CERS6: variants seen among roughly 807,000 people sequenced by gnomAD.
CERS6 encodes the protein ceramide synthase 6, also known as LAG1 homolog, ceramide synthase 6.
Under a neutral mutation model 56.8 loss-of-function variants are expected in CERS6, and 26 were observed. That is an observed-to-expected ratio of 0.46 (90% confidence interval 0.34 to 0.63). The LOEUF is 0.63. CERS6 is among the 30% of genes least tolerant of loss of function. The probability of loss-of-function intolerance (pLI) is 0.01; values close to 1 mark genes in which losing one functional copy is unlikely to be tolerated. For missense variants in CERS6, 415 were observed against 467.5 expected (o/e 0.89, Z 1.04); for synonymous variants, 164 against 173.3 (o/e 0.95, Z 0.42).
rs142018772 is a variant in CERS6 at position 168,665,598 on chromosome 2, T to A, written c.466-25436T>A. 3.7e-4 allele frequency among the ~76,000 whole-genome samples: 56 copies of A among 152,278 alleles called. No homozygotes were observed. The East Asian group carries it at 9.1e-3, about 25-fold the overall frequency. ...TCTCTTCATTTTCATTTTTCCAACA[T>A]GCTCATCACCTTCTCTCTTACTGTA... is the stretch of plus-strand genomic sequence containing the variant. On this transcript the variant is annotated intron_variant, in intron 4 of 9. Coordinates refer to ENST00000305747, the MANE Select transcript of CERS6 (RefSeq NM_203463.3).
At chr2:168,676,000 T>C (rs537350434) in intron 4 of CERS6, among the ~76,000 whole-genome samples, 29 of 152,158 alleles carry the variant, frequency 1.9e-4, no homozygotes, top group Non-Finnish European at 3.8e-4. Context: ...AACCATTTTC[T>C]AAAACAAAAA....
At chr2:168,565,240 A>G (rs1412529235) in intron 3 of CERS6, among the ~76,000 whole-genome samples, 1 of 152,228 alleles carries the variant, frequency 6.6e-6, no homozygotes, top group Non-Finnish European at 1.5e-5. Flanking sequence ...AAAAAGATCT[A>G]GAATAGTTGT....
At chr2:168,740,180 A>G (rs1683852392) in intron 8 of CERS6, among the ~76,000 whole-genome samples, 1 of 152,228 alleles carries the variant, frequency 6.6e-6, no homozygotes, top group African/African-American at 2.4e-5. Context: ...TTCATTAGAT[A>G]CATGTTATTT....
At chr2:168,652,546 G>GT (rs1035608970) in intron 4 of CERS6, among the ~76,000 whole-genome samples, 1 of 141,406 alleles carries the variant, frequency 7.1e-6, no homozygotes, top group African/African-American at 2.6e-5. Flanking sequence ...TAAATAAGTA[G>GT]TTTTTTTAAA....
chr2:168,468,043 G>A (rs1350772896), intron 1 of CERS6, among the ~76,000 whole-genome samples: 3 of 152,114 alleles, frequency 2.0e-5, no homozygotes, highest in African/African-American at 4.8e-5. Context: ...GTTTAGGGAG[G>A]GAGGATGCTT....
intron 3 of CERS6, among the ~76,000 whole-genome samples, chr2:168,601,237 A>G (rs919949187): frequency 6.6e-6 from 1 of 152,228 alleles, no homozygotes; most frequent in Non-Finnish European, 1.5e-5. Context: ...ATGTTGACAC[A>G]GTCTCCCACA....
intron 1 of CERS6, among the ~76,000 whole-genome samples, chr2:168,505,149 G>T (rs1247348129): frequency 6.6e-6 from 1 of 152,018 alleles, no homozygotes; most frequent in East Asian, 1.9e-4. Context: ...GGCCAAGCGG[G>T]CTATTCCCTT....
chr2:168,657,472 G>C (rs1574135190), intron 4 of CERS6, among the ~76,000 whole-genome samples: 2 of 152,356 alleles, frequency 1.3e-5, no homozygotes, highest in Non-Finnish European at 2.9e-5. Flanking sequence ...GATGGGACTG[G>C]GCGCCGTGGA....
intron 1 of CERS6, 142 bp from the exon 2 acceptor site, chr2:168,547,454 A>G: frequency 1.7e-6 from 1 of 573,920 alleles, no homozygotes; most frequent in Non-Finnish European, 3.1e-6. Context: ...ACAGTTACTG[A>G]CAGGAGTGTT....
intron 6 of CERS6, among the ~76,000 whole-genome samples, chr2:168,702,413 A>G (rs1686828303): frequency 6.6e-6 from 1 of 152,216 alleles, no homozygotes; most frequent in Non-Finnish European, 1.5e-5. Context: ...TTAGCTTGTC[A>G]CGTTGTTTCA....
intron 3 of CERS6, among the ~76,000 whole-genome samples, chr2:168,589,596 T>C (rs1683625954): frequency 6.6e-6 from 1 of 152,238 alleles, no homozygotes; most frequent in Non-Finnish European, 1.5e-5. Flanking sequence ...TTGGTGTCTT[T>C]CCTTCCAAAT....
chr2:168,720,851 C>T (rs367749033), intron 8 of CERS6, among the ~76,000 whole-genome samples: 164 of 152,178 alleles, frequency 1.1e-3, no homozygotes, highest in Non-Finnish European at 1.6e-3. Context: ...TGAATAGGTA[C>T]GGTTCAAAAA....
At chr2:168,603,163 T>C (rs1371459151) in intron 3 of CERS6, among the ~76,000 whole-genome samples, 4 of 152,314 alleles carry the variant, frequency 2.6e-5, no homozygotes, top group Non-Finnish European at 1.5e-5. Flanking sequence ...CACCATGATA[T>C]TTTTGCTGAG....
chr2:168,714,573 C>T (rs1687180617), intron 6 of CERS6, among the ~76,000 whole-genome samples: 1 of 152,212 alleles, frequency 6.6e-6, no homozygotes, highest in African/African-American at 2.4e-5. Flanking sequence ...GTAGTGATTT[C>T]TCCCTTAGCT....
chr2:168,483,959 A>C (rs74645335), intron 1 of CERS6, among the ~76,000 whole-genome samples: 1 of 152,044 alleles, frequency 6.6e-6, no homozygotes, highest in Non-Finnish European at 1.5e-5. Context: ...GGTTATGCTG[A>C]TGTTGCTAGT....
chr2:168,456,609 T>C lies in CERS6; in HGVS notation c.161T>C (p.Ile54Thr). ...TTCTGTATCTTCATGGTGCGGCTCA[T>C]CTTCGAGAGGTAAGAAGGGCTGAAG... ...LAFCIFMVRLIFERFVAKPCA... is the reference protein window; with the variant it reads ...LAFCIFMVRLTFERFVAKPCA... The change falls in exon 1 of 10, where the codon ATC becomes ACC. Residue 54 changes from isoleucine (I) to threonine (T), a missense_variant. Coordinates refer to ENST00000305747, the MANE Select transcript of CERS6 (RefSeq NM_203463.3). The surrounding 1 kb of genome is among the most constrained non-coding windows in gnomAD (Gnocchi z 4.1). 8 of 1,613,454 alleles carry C rather than the reference T, an allele frequency of 5.0e-6. 1 individual carries two copies. The highest frequency in any genetic ancestry group is 2.2e-5 in the South Asian group (2 of 91,054).
chr2:168,489,432 A>G (rs1694328678), intron 1 of CERS6, among the ~76,000 whole-genome samples: 1 of 148,880 alleles, frequency 6.7e-6, no homozygotes, highest in South Asian at 2.1e-4. Flanking sequence ...ATGAGTGGGA[A>G]GTTTTGGGCT....
At chr2:168,768,460 T>TGACCTCAGGTGATCCACC (rs1202019214) in intron 9 of CERS6, among the ~76,000 whole-genome samples, 2 of 151,044 alleles carry the variant, frequency 1.3e-5, no homozygotes, top group African/African-American at 4.9e-5. Flanking sequence ...CTTGAACTCC[T>TGACCTCAGGTGATCCACC]GACCTCAGGT....
intron 1 of CERS6, among the ~76,000 whole-genome samples, chr2:168,458,897 A>G (rs1693727477): frequency 6.6e-6 from 1 of 152,206 alleles, no homozygotes; most frequent in African/African-American, 2.4e-5. Context: ...CCTAAATGAC[A>G]TATTCTGGGA....
Sources: allele counts gnomAD v4.1 joint callset (sites outside exome capture counted in the v4.1 genomes callset), GRCh38; gene constraint gnomAD v4.1.1; non-coding constraint Gnocchi (gnomAD v3.1); transcripts MANE v1.5; gene names NCBI Gene and HGNC (gene_info 2026-07-23, HGNC 2026-07-21).